NR2C2: variants seen among roughly 807,000 people sequenced by gnomAD.
NR2C2 encodes Nuclear hormone receptor TR4.
A neutral mutation model predicts 62.9 loss-of-function variants in NR2C2; 6 were observed. The ratio of observed to expected loss-of-function variants is 0.10; its 90% CI spans 0.05 to 0.19. The LOEUF is 0.19. NR2C2 is among the 10% of genes least tolerant of loss of function. NR2C2 has a pLI of 1.00. For synonymous variants in NR2C2, 272 were observed against 273.8 expected (o/e 0.99, Z 0.07); for missense variants, 479 against 762.7 (o/e 0.63, Z 4.38).
chr3:15,013,672 C>T lies in NR2C2; in HGVS notation c.156C>T (p.Ile52=), dbSNP rs1388548278. The T allele has an allele frequency of 6.2e-7, 1 of 1,614,194 alleles. No homozygotes were observed. ...CCGGATCCCCCAAACAGCAGTTCAT[C>T]CTGACCAGCCCAGATGGAGCTGGAA... is the stretch of plus-strand genomic sequence containing the variant. The part of the protein sequence containing the change: ...DASGSPKQQF[I]LTSPDGAGTG... Residue 52 remains isoleucine, a synonymous_variant, in exon 3 of 14, where the codon ATC becomes ATT. Coordinates refer to ENST00000425241, the MANE Select transcript of NR2C2 (RefSeq NM_001291694.2).
chr3:14,967,974 T>C (rs1285669104), intron 1 of NR2C2, among the ~76,000 whole-genome samples: 2 of 151,626 alleles, frequency 1.3e-5, no homozygotes, highest in Non-Finnish European at 2.9e-5. Context: ...TTACACCTTA[T>C]ACAAAAATCA....
At chr3:14,996,460 A>T (rs940942944) in intron 1 of NR2C2, among the ~76,000 whole-genome samples, 5 of 152,270 alleles carry the variant, frequency 3.3e-5, no homozygotes, top group Non-Finnish European at 7.3e-5. Flanking sequence ...AATGTAACTG[A>T]TGTTTAACTT....
At chr3:14,972,987 G>A (rs1287352862) in intron 1 of NR2C2, among the ~76,000 whole-genome samples, 1 of 152,158 alleles carries the variant, frequency 6.6e-6, no homozygotes, top group East Asian at 1.9e-4. Context: ...CTCCAGCACT[G>A]GGGATTACAG....
intron 3 of NR2C2, 123 bp from the exon 4 acceptor site, chr3:15,016,029 C>T (rs1346066452): frequency 3.4e-5 from 23 of 680,138 alleles, no homozygotes; most frequent in Middle Eastern, 2.7e-4. Flanking sequence ...CTCGAACTCC[C>T]GACCTCAAGT....
At chr3:14,987,604 T>C (rs1445861455) in intron 1 of NR2C2, among the ~76,000 whole-genome samples, 1 of 152,216 alleles carries the variant, frequency 6.6e-6, no homozygotes, top group African/African-American at 2.4e-5. Context: ...TGTCACTTCT[T>C]AATCTCCTTA....
At chr3:14,962,021 T>C (rs1157767297) in intron 1 of NR2C2, among the ~76,000 whole-genome samples, 1 of 152,152 alleles carries the variant, frequency 6.6e-6, no homozygotes, top group Non-Finnish European at 1.5e-5. Context: ...CTATCCAGAG[T>C]TGATCTCACA....
In NR2C2 at chr3:15,034,829, G is replaced by A. The variant is rs1167960828; in HGVS notation, c.1372+20G>A. ...AGGAAGGTAGGGCACAGGGACTTGG[G>A]GCTGGGGTGTGTCTTGGTTCAGCCT... On this transcript the variant is annotated intron_variant, in intron 11 of 13. Transcript: ENST00000425241. The A allele has an allele frequency of 1.3e-6, 2 of 1,599,438 alleles. No individual in the cohort carries two copies. Among genetic ancestry groups the A allele is most frequent in the Admixed American group, 1.7e-5 (1 of 58,756 alleles).
chr3:14,994,182 G>C (rs979902422), intron 1 of NR2C2, among the ~76,000 whole-genome samples: 2 of 151,980 alleles, frequency 1.3e-5, no homozygotes, highest in African/African-American at 2.4e-5. Flanking sequence ...ACTCATCTGC[G>C]TACTGATTTT....
At chr3:15,000,931 C>T (rs1174220637) in intron 1 of NR2C2, among the ~76,000 whole-genome samples, 2 of 151,202 alleles carry the variant, frequency 1.3e-5, no homozygotes, top group Non-Finnish European at 2.9e-5. Flanking sequence ...TCTCCTGCCT[C>T]AGCCTCCTGA....
chr3:15,049,170 C>T lies in NR2C2; in HGVS notation c.*6162C>T, dbSNP rs2042560435. The T allele has an allele frequency of 6.6e-6, 1 of 152,596 alleles. No homozygotes were observed. Among genetic ancestry groups the T allele is most frequent in the African/African-American group, 2.4e-5 (1 of 41,436 alleles). The allele number at this position is 152,596 out of a possible 1,614,324, so 9.5% of individuals were successfully genotyped here. On this transcript the variant is annotated 3_prime_UTR_variant, in exon 14 of 14. Transcript: ENST00000425241. ...TAGAGTATTGCAGTGCATGAATTAG[C>T]TTTATGCATTTTATTAAATGCTGTT...
intron 1 of NR2C2, among the ~76,000 whole-genome samples, chr3:14,965,043 G>T (rs1241015133): frequency 1.3e-5 from 2 of 152,118 alleles, no homozygotes; most frequent in Non-Finnish European, 2.9e-5. Flanking sequence ...CACATCGTTG[G>T]CATGTGGTGG....
intron 1 of NR2C2, among the ~76,000 whole-genome samples, chr3:14,956,223 C>T (rs2125227440): frequency 6.6e-6 from 1 of 152,304 alleles, no homozygotes; most frequent in South Asian, 2.1e-4. Flanking sequence ...TTTCTACTTT[C>T]AAGTCTTGAT....
At chr3:15,000,848 T>C (rs1574984931) in intron 1 of NR2C2, among the ~76,000 whole-genome samples, 1 of 148,082 alleles carries the variant, frequency 6.8e-6, no homozygotes, top group African/African-American at 2.5e-5. Context: ...GGAGTCTTGC[T>C]CTGTTGCCAA....
In NR2C2 at chr3:15,028,672, C is replaced by T; in HGVS notation, c.885C>T (p.Asp295=). The T allele has an allele frequency of 6.2e-7, 1 of 1,614,150 alleles. No homozygotes were observed. The highest frequency in any genetic ancestry group is 2.2e-5 in the East Asian group (1 of 44,888). Residue 295 remains aspartate (D), a synonymous_variant, in exon 8 of 14, where the codon GAC becomes GAT. Transcript: ENST00000425241. ...ANLSESLNNG[D]TSEIQPEDQS... is the part of the protein sequence containing the mutation. ...TAAGTGAATCTTTGAACAACGGTGA[C>T]ACTTCAGAAATCCAGCCAGAGGACC...
intron 1 of NR2C2, chr3:14,948,256 C>T (rs958829277): frequency 6.6e-6 from 1 of 152,498 alleles, no homozygotes; most frequent in African/African-American, 2.4e-5. Flanking sequence ...TCCTCCTTAT[C>T]CTCCTCCTCC....
intron 2 of NR2C2, among the ~76,000 whole-genome samples, chr3:15,010,980 C>T (rs2041335894): frequency 1.3e-5 from 2 of 152,098 alleles, no homozygotes; most frequent in South Asian, 4.1e-4. Context: ...AATTGAAGAC[C>T]CCTCTCAATC....
intron 1 of NR2C2, among the ~76,000 whole-genome samples, chr3:14,982,958 A>C (rs962699754): frequency 2.0e-5 from 3 of 152,290 alleles, no homozygotes; most frequent in African/African-American, 7.2e-5. Flanking sequence ...ATTTTTAAAA[A>C]TTTTTTTAAT....
chr3:15,007,346 C>T (rs772987942), intron 2 of NR2C2, among the ~76,000 whole-genome samples: 2 of 151,856 alleles, frequency 1.3e-5, no homozygotes, highest in Non-Finnish European at 2.9e-5. Context: ...ACAGGATGGT[C>T]TCGGTCTCCT....
At chr3:15,037,720 T>A (rs1391877040) in intron 11 of NR2C2, among the ~76,000 whole-genome samples, 1 of 152,084 alleles carries the variant, frequency 6.6e-6, no homozygotes, top group African/African-American at 2.4e-5. Context: ...TAAAAGAAAT[T>A]CACAATGTAC....
Sources: allele counts gnomAD v4.1 joint callset (sites outside exome capture counted in the v4.1 genomes callset), GRCh38; gene constraint gnomAD v4.1.1; transcripts MANE v1.5; gene names NCBI Gene and HGNC (gene_info 2026-07-23, HGNC 2026-07-21).